DTNA: variants seen among roughly 807,000 people sequenced by gnomAD.
The protein encoded by DTNA is dystrophin-related protein 3.
DTNA carries 43 observed loss-of-function variants against 100.7 expected under a neutral mutation model. The ratio of observed to expected loss-of-function variants is 0.43; its 90% CI spans 0.33 to 0.55. DTNA has a LOEUF of 0.55. DTNA is among the 20% of genes least tolerant of loss of function. The pLI, the probability that DTNA is intolerant of heterozygous loss-of-function variation, is 0.04. For synonymous variants in DTNA, 349 were observed against 347.9 expected, an observed-to-expected ratio of 1.00 and a Z score of -0.04; for missense variants, 798 against 953.9, an observed-to-expected ratio of 0.84 and a Z score of 2.15.
intron 1 of DTNA, among the ~76,000 whole-genome samples, chr18:34,671,930 C>T (rs1467529621): frequency 6.6e-6 from 1 of 152,158 alleles, no homozygotes; most frequent in Admixed American, 6.5e-5. Context: ...GATTTCAATA[C>T]ACTCTATGGT....
intron 1 of DTNA, among the ~76,000 whole-genome samples, chr18:34,674,486 C>T (rs1244447590): frequency 6.6e-6 from 1 of 152,220 alleles, no homozygotes; most frequent in African/African-American, 2.4e-5. Flanking sequence ...GCCATCCTCT[C>T]CCTGACTCTG....
intron 19 of DTNA, among the ~76,000 whole-genome samples, chr18:34,878,064 T>C (rs944500279): frequency 6.6e-6 from 1 of 151,952 alleles, no homozygotes; most frequent in Admixed American, 6.6e-5. Context: ...TGTCAAACAC[T>C]TGGGCTCAAG....
chr18:34,725,157 A>G (rs1348894928), intron 1 of DTNA, among the ~76,000 whole-genome samples: 1 of 152,324 alleles, frequency 6.6e-6, no homozygotes, highest in East Asian at 1.9e-4. Flanking sequence ...AAGAAAACCT[A>G]GGCAATACCA....
intron 1 of DTNA, among the ~76,000 whole-genome samples, chr18:34,684,341 C>A (rs543723013): frequency 6.6e-6 from 1 of 152,202 alleles, no homozygotes; most frequent in South Asian, 2.1e-4. Flanking sequence ...ATGTTCCCCT[C>A]CCTGTGCCCA....
intron 1 of DTNA, among the ~76,000 whole-genome samples, chr18:34,698,091 T>C (rs2080839836): frequency 6.6e-6 from 1 of 152,212 alleles, no homozygotes; most frequent in South Asian, 2.1e-4. Flanking sequence ...TGTTACCTTT[T>C]CAGGCTCTTG....
At chr18:34,748,449 A>G (rs923315032) in intron 1 of DTNA, among the ~76,000 whole-genome samples, 1 of 152,088 alleles carries the variant, frequency 6.6e-6, no homozygotes, top group Non-Finnish European at 1.5e-5. Context: ...GGTCTTAGAG[A>G]TAAGTCTTTG....
intron 6 of DTNA, among the ~76,000 whole-genome samples, chr18:34,813,967 T>C (rs894512200): frequency 1.3e-5 from 2 of 152,192 alleles, no homozygotes; most frequent in African/African-American, 4.8e-5. Context: ...TTTACAGTGC[T>C]TTATGCCTCA....
intron 1 of DTNA, among the ~76,000 whole-genome samples, chr18:34,681,317 A>G (rs1281518566): frequency 6.6e-6 from 1 of 152,184 alleles, no homozygotes; most frequent in Non-Finnish European, 1.5e-5. Flanking sequence ...TTTAAATGTA[A>G]AGTTGGGCAG....
chr18:34,838,751 G>T lies in DTNA; in HGVS notation c.1260G>T (p.Gln420His), dbSNP rs1603075327. 1 of 1,613,234 alleles carries T rather than the reference G, an allele frequency of 6.2e-7. No homozygotes were observed. The highest frequency in any genetic ancestry group is 8.5e-7 in the Non-Finnish European group (1 of 1,179,366). Reference protein sequence around the residue: ...APAFLKGKGIQYSLNVADRLA... With the variant: ...APAFLKGKGIHYSLNVADRLA... ...TCCCCCTGCCCTGTTTCAGGATACA[G>T]TACAGCCTGAATGTGGCAGACAGGC... The change falls in exon 13 of 23, where the codon CAG (glutamine) becomes CAT (histidine). Residue 420 changes from glutamine to histidine, a missense_variant. Coordinates refer to ENST00000444659, the MANE Select transcript of DTNA (RefSeq NM_001386795.1).
intron 6 of DTNA, among the ~76,000 whole-genome samples, chr18:34,815,430 A>G (rs1048246807): frequency 1.3e-5 from 2 of 152,220 alleles, no homozygotes; most frequent in Non-Finnish European, 2.9e-5. Context: ...CTGCTCTTGT[A>G]TAACAGAACC....
intron 1 of DTNA, among the ~76,000 whole-genome samples, chr18:34,511,748 C>G (rs1207717896): frequency 6.6e-6 from 1 of 152,000 alleles, no homozygotes; most frequent in Non-Finnish European, 1.5e-5. Flanking sequence ...AGTCTGCTCT[C>G]AAAGTCACAT....
intron 1 of DTNA, among the ~76,000 whole-genome samples, chr18:34,741,066 C>T (rs373273353): frequency 1.2e-4 from 18 of 152,222 alleles, no homozygotes; most frequent in African/African-American, 2.9e-4. Context: ...TCGTTCTCTG[C>T]GCAGGTCCAT....
chr18:34,530,147 A>G (rs1490187528), intron 1 of DTNA, among the ~76,000 whole-genome samples: 1 of 152,060 alleles, frequency 6.6e-6, no homozygotes, highest in African/African-American at 2.4e-5. Context: ...TGAGCTGGTC[A>G]GGCAGCCCAC....
intron 7 of DTNA, among the ~76,000 whole-genome samples, chr18:34,817,501 T>G (rs2095621027): frequency 6.6e-6 from 1 of 152,138 alleles, no homozygotes; most frequent in Non-Finnish European, 1.5e-5. Context: ...AACCGTCTCT[T>G]GAGGCATTTG....
At chr18:34,577,231 T>C (rs927597122) in intron 1 of DTNA, among the ~76,000 whole-genome samples, 1 of 152,230 alleles carries the variant, frequency 6.6e-6, no homozygotes, top group Non-Finnish European at 1.5e-5. Context: ...TCTTTATCTC[T>C]GATAACATAT....
At chr18:34,566,456 A>G (rs2047094582) in intron 1 of DTNA, among the ~76,000 whole-genome samples, 1 of 152,200 alleles carries the variant, frequency 6.6e-6, no homozygotes, top group Admixed American at 6.5e-5. Flanking sequence ...ATGGACAAAG[A>G]AATTAAACCA....
chr18:34,719,078 A>G (rs1325091306), intron 1 of DTNA, among the ~76,000 whole-genome samples: 1 of 152,080 alleles, frequency 6.6e-6, no homozygotes, highest in Non-Finnish European at 1.5e-5. Flanking sequence ...CTGTAATCCC[A>G]GTACTTTGGG....
chr18:34,541,512 A>G (rs1337498348), intron 1 of DTNA, among the ~76,000 whole-genome samples: 1 of 152,050 alleles, frequency 6.6e-6, no homozygotes, highest in Admixed American at 6.6e-5. Flanking sequence ...GAGTTCCCCA[A>G]CAAGCTCTCT....
chr18:34,889,915 C>T lies in DTNA; in HGVS notation c.*2181C>T. The T allele has an allele frequency of 9.8e-7, 1 of 1,022,504 alleles. No homozygotes were observed. The highest frequency in any genetic ancestry group is 1.2e-6 in the Non-Finnish European group (1 of 852,860). The allele number at this position is 1,022,504 out of a possible 1,614,324, so 63.3% of individuals were successfully genotyped here. ...TTTTCCACTGCCCATCCTCTGTGAA[C>T]CCATACCTCTCTAGATGGAGCAGGT... On this transcript the variant is annotated 3_prime_UTR_variant, in exon 23 of 23. Coordinates refer to ENST00000444659, the MANE Select transcript of DTNA (RefSeq NM_001386795.1).
Sources: gnomAD v4.1 joint callset for allele counts (sites outside exome capture counted in the v4.1 genomes callset) on GRCh38, gnomAD v4.1.1 for gene constraint, MANE v1.5 for transcripts, NCBI Gene and HGNC (gene_info 2026-07-23, HGNC 2026-07-21) for gene names.